The following CEP85L variants were observed in gnomAD, a reference collection of about 807,000 sequenced individuals.
The protein encoded by CEP85L is centrosomal protein of 85 kDa-like.
A neutral mutation model predicts 100.3 loss-of-function variants in CEP85L; 60 were observed. That is an observed-to-expected ratio of 0.60 (90% CI 0.49 to 0.74). The LOEUF is 0.74. CEP85L is among the 30% of genes least tolerant of loss of function. CEP85L has a pLI of 0.00. For synonymous variants in CEP85L, 319 were observed against 322.7 expected, an observed-to-expected ratio of 0.99 and a Z score of 0.12; for missense variants, 973 against 936.2, an observed-to-expected ratio of 1.04 and a Z score of -0.51.
chr6:118,509,882 G>A (rs1052860445), intron 5 of CEP85L, among the ~76,000 whole-genome samples: 5 of 151,990 alleles, frequency 3.3e-5, no homozygotes, highest in African/African-American at 1.2e-4. Context: ...AATAATTAAG[G>A]AAAGTAGCCA....
chr6:118,708,463 A>C (rs1223703219), intron 1 of CEP85L, among the ~76,000 whole-genome samples: 1 of 152,232 alleles, frequency 6.6e-6, no homozygotes, highest in African/African-American at 2.4e-5. Context: ...ACGAAACAAA[A>C]TTGTGTTAAT....
At chr6:118,639,653 T>C (rs577023387) in intron 1 of CEP85L, among the ~76,000 whole-genome samples, 34 of 152,298 alleles carry the variant, frequency 2.2e-4, no homozygotes, top group African/African-American at 8.2e-4. Flanking sequence ...TATTAACCCA[T>C]ATGTATATGA....
intron 3 of CEP85L, among the ~76,000 whole-genome samples, chr6:118,550,523 A>G (rs1170461269): frequency 6.6e-6 from 1 of 151,872 alleles, no homozygotes; most frequent in Non-Finnish European, 1.5e-5. Context: ...GTGTACACAA[A>G]TATTTCATTT....
intron 5 of CEP85L, among the ~76,000 whole-genome samples, chr6:118,504,313 T>A (rs930570886): frequency 2.6e-5 from 4 of 151,694 alleles, no homozygotes; most frequent in Non-Finnish European, 4.4e-5. Flanking sequence ...ATGCGGAGGT[T>A]GCAGTGAGCC....
chr6:118,510,298 AC>A (rs1464992421), intron 5 of CEP85L, among the ~76,000 whole-genome samples: 6 of 152,120 alleles, frequency 3.9e-5, no homozygotes, highest in African/African-American at 1.4e-4. Flanking sequence ...AAATATTGAG[AC>A]AAAATTGGAA....
intron 5 of CEP85L, chr6:118,501,828 G>C (rs1385392459): frequency 1.5e-6 from 2 of 1,292,828 alleles, no homozygotes; most frequent in African/African-American, 1.5e-5. Context: ...GAGAGAGAGA[G>C]AGAGGACTCT....
intron 1 of CEP85L, among the ~76,000 whole-genome samples, chr6:118,671,468 A>G (rs1482551406): frequency 6.6e-6 from 1 of 152,228 alleles, no homozygotes; most frequent in African/African-American, 2.4e-5. Context: ...AAAAAAAATT[A>G]ATTTCCGTTA....
At chr6:118,505,731 G>T (rs1775614646) in intron 5 of CEP85L, among the ~76,000 whole-genome samples, 1 of 152,102 alleles carries the variant, frequency 6.6e-6, no homozygotes, top group Admixed American at 6.5e-5. Flanking sequence ...TGGTTGCTAG[G>T]GGTCCAATGG....
intron 1 of CEP85L, among the ~76,000 whole-genome samples, chr6:118,698,302 T>C (rs1241798142): frequency 1.3e-5 from 2 of 152,232 alleles, no homozygotes; most frequent in Non-Finnish European, 2.9e-5. Flanking sequence ...ATGAGATTTA[T>C]TTCTACTTTC....
At chr6:118,646,258 T>C (rs1448074677) in intron 1 of CEP85L, among the ~76,000 whole-genome samples, 1 of 152,110 alleles carries the variant, frequency 6.6e-6, no homozygotes, top group Non-Finnish European at 1.5e-5. Context: ...ATTTTTATGT[T>C]GATCATGCCC....
intron 2 of CEP85L, among the ~76,000 whole-genome samples, chr6:118,625,403 T>C (rs1773725315): frequency 6.6e-6 from 1 of 152,184 alleles, no homozygotes; most frequent in African/African-American, 2.4e-5. Context: ...CCTTTTATGG[T>C]AGGAGCCAGA....
intron 1 of CEP85L, among the ~76,000 whole-genome samples, chr6:118,640,610 C>T (rs1774799580): frequency 6.6e-6 from 1 of 152,176 alleles, no homozygotes; most frequent in Non-Finnish European, 1.5e-5. Context: ...CTGCAACATT[C>T]ATCCCCCAGG....
At chr6:118,632,680 T>C (rs1583199670) in intron 1 of CEP85L, 69 bp from the exon 2 acceptor site, 3 of 1,296,746 alleles carry the variant, frequency 2.3e-6, no homozygotes, top group East Asian at 4.7e-5. Flanking sequence ...TTTTACCTTG[T>C]GGAAAATACA....
chr6:118,470,129 A>G (rs975103197), intron 11 of CEP85L, among the ~76,000 whole-genome samples: 2 of 152,228 alleles, frequency 1.3e-5, no homozygotes, highest in South Asian at 4.1e-4. Flanking sequence ...AAAGAAGAAG[A>G]AAAAAAGAAA....
In CEP85L at chr6:118,462,537, G is replaced by A. The variant is rs1172603151; in HGVS notation, c.*2868C>T. 1 of 151,928 alleles carries A rather than the reference G, an allele frequency of 6.6e-6. No individual in the cohort carries two copies. Among genetic ancestry groups the A allele is most frequent in the African/African-American group, 2.4e-5 (1 of 41,406 alleles). The allele number at this position is 151,928 out of a possible 1,614,324, so 9.4% of individuals were successfully genotyped here. A position where few individuals can be genotyped will look rare whatever the true frequency, so the allele number is the denominator to read the frequency against. ...CCAAAAGAACAAAATATTAATACTG[G>A]ATAAGATACTTTCTAAGCAAACAAG... On this transcript the variant is annotated 3_prime_UTR_variant, in exon 13 of 13. Transcript: ENST00000368491.
chr6:118,666,872 G>C (rs1351119668), intron 1 of CEP85L, among the ~76,000 whole-genome samples: 2 of 152,162 alleles, frequency 1.3e-5, no homozygotes, highest in African/African-American at 2.4e-5. Flanking sequence ...AACCCTGAGA[G>C]TACATGGGCA....
chr6:118,685,839 A>G (rs547555314), intron 1 of CEP85L, among the ~76,000 whole-genome samples: 1 of 152,364 alleles, frequency 6.6e-6, no homozygotes, highest in South Asian at 2.1e-4. Context: ...GTAGTAAAAA[A>G]TGTTCTTGAA....
intron 3 of CEP85L, among the ~76,000 whole-genome samples, chr6:118,531,814 T>C (rs955337202): frequency 6.6e-6 from 1 of 152,040 alleles, no homozygotes; most frequent in African/African-American, 2.4e-5. Context: ...AGATACCATC[T>C]CATACCAGTC....
At chr6:118,625,008 G>A (rs973961733) in intron 2 of CEP85L, among the ~76,000 whole-genome samples, 2 of 152,296 alleles carry the variant, frequency 1.3e-5, no homozygotes, top group East Asian at 1.9e-4. Flanking sequence ...CTTCCCTTGC[G>A]TTTCCAACCA....
Sources: gnomAD v4.1 joint callset for allele counts (sites outside exome capture counted in the v4.1 genomes callset) on GRCh38, gnomAD v4.1.1 for gene constraint, MANE v1.5 for transcripts, NCBI Gene and HGNC (gene_info 2026-07-23, HGNC 2026-07-21) for gene names.